Variants in ROBO2 observed in about 807,000 individuals in gnomAD.
ROBO2 encodes the protein roundabout homolog 2.
In ROBO2, 53 loss-of-function variants were observed where a neutral mutation model predicts 160.8. The ratio of observed to expected loss-of-function variants is 0.33; its 90% CI spans 0.26 to 0.41. The LOEUF is 0.41. Among genes scored for constraint, ROBO2 ranks in the 10% least tolerant of loss-of-function variants. The pLI is 1.00. For missense variants in ROBO2, 1,577 were observed against 1,722.4 expected (o/e 0.92, Z 1.49); for synonymous variants, 664 against 611.7 (o/e 1.09, Z -1.26).
rs560292594 is a variant in ROBO2 at position 76,549,464 on chromosome 3, C to G, written c.110-548550C>G. Among the ~76,000 whole-genome samples the G allele has an allele frequency of 2.0e-5, 3 of 152,240 alleles. No individual in the cohort carries two copies. In the South Asian group the frequency reaches 6.2e-4, roughly 32 times the overall value. ...CCCAGTGCAACGGCAGGGAGGAAAC[C>G]ATTAACTCTCCTCTGAGAAGGTTCT... On this transcript the variant is annotated intron_variant, in intron 2 of 26. Coordinates refer to the ROBO2 transcript ENST00000487694.
chr3:76,800,581 C>CAA (rs2064123278), intron 2 of ROBO2, among the ~76,000 whole-genome samples: 1 of 152,078 alleles, frequency 6.6e-6, no homozygotes, highest in Non-Finnish European at 1.5e-5. Context: ...AGACAGTTCT[C>CAA]AAAAGAAGAC....
intron 2 of ROBO2, among the ~76,000 whole-genome samples, chr3:77,233,201 G>C (rs760303722): frequency 8.5e-5 from 13 of 152,094 alleles, no homozygotes; most frequent in Non-Finnish European, 1.8e-4. Flanking sequence ...TAATATGTTT[G>C]AAAATTCAAA....
intron 2 of ROBO2, among the ~76,000 whole-genome samples, chr3:76,030,304 C>G (rs1040690369): frequency 6.7e-6 from 1 of 149,694 alleles, no homozygotes; most frequent in Admixed American, 6.6e-5. Flanking sequence ...AATTTTCTCC[C>G]GTTCTGTAGA....
At chr3:77,359,554 A>G (rs1202309545) in intron 2 of ROBO2, among the ~76,000 whole-genome samples, 1 of 152,162 alleles carries the variant, frequency 6.6e-6, no homozygotes, top group Non-Finnish European at 1.5e-5. Context: ...GCTGAAGAAC[A>G]CCATTACCTG....
At chr3:77,099,105 G>T (rs1306779477) in intron 2 of ROBO2, among the ~76,000 whole-genome samples, 1 of 119,550 alleles carries the variant, frequency 8.4e-6, no homozygotes, top group Non-Finnish European at 1.6e-5. Flanking sequence ...AGTGTCTCCC[G>T]CTGTCACATA....
At chr3:77,131,362 A>G (rs1206435444) in intron 2 of ROBO2, among the ~76,000 whole-genome samples, 2 of 152,182 alleles carry the variant, frequency 1.3e-5, no homozygotes, top group Non-Finnish European at 2.9e-5. Context: ...TTCTAATGGC[A>G]TTAGATGTTT....
intron 2 of ROBO2, among the ~76,000 whole-genome samples, chr3:76,919,773 C>G (rs1167000): frequency 0.26 from 39,069 of 152,038 alleles, 5,574 homozygotes; most frequent in African/African-American, 0.38. Flanking sequence ...TCTTGAATCA[C>G]TGATCAAAAC....
At chr3:76,005,833 A>C (rs2066006890) in intron 2 of ROBO2, among the ~76,000 whole-genome samples, 1 of 152,332 alleles carries the variant, frequency 6.6e-6, no homozygotes, top group African/African-American at 2.4e-5. Context: ...TAGTCATTCA[A>C]ATATGTAAGG....
At chr3:76,954,193 C>T (rs2079112630) in intron 2 of ROBO2, among the ~76,000 whole-genome samples, 2 of 152,102 alleles carry the variant, frequency 1.3e-5, no homozygotes, top group South Asian at 4.1e-4. Flanking sequence ...ACCCAGAGGC[C>T]TAAGCATAGG....
chr3:77,389,393 T>C (rs1487995563), intron 2 of ROBO2, among the ~76,000 whole-genome samples: 1 of 152,196 alleles, frequency 6.6e-6, no homozygotes, highest in Non-Finnish European at 1.5e-5. Flanking sequence ...TTTTAACTGT[T>C]CAGTAGCCCC....
intron 2 of ROBO2, among the ~76,000 whole-genome samples, chr3:75,998,211 A>G (rs1275188444): frequency 6.6e-6 from 1 of 152,098 alleles, no homozygotes; most frequent in Non-Finnish European, 1.5e-5. Context: ...GTTAGCTCTA[A>G]TCTCCCCTAT....
intron 2 of ROBO2, among the ~76,000 whole-genome samples, chr3:76,045,556 A>G (rs1230971039): frequency 6.6e-6 from 1 of 152,052 alleles, no homozygotes; most frequent in Non-Finnish European, 1.5e-5. Flanking sequence ...CTTGGGGACC[A>G]TTGTATTTTT....
Position 76,482,902 on chromosome 3 carries a change from T to C in ROBO2, c.109+545300T>C, listed in dbSNP as rs546734968. 1.8e-4 allele frequency among the ~76,000 whole-genome samples: 27 copies of C among 152,306 alleles called. No homozygotes were observed. In the South Asian group the frequency reaches 3.3e-3, roughly 19 times the overall value. ...AAAATTGGGTTAGCTGGCTTTTATA[T>C]GGGACTTATTACAAACTCAGTTACT... On this transcript the variant is annotated intron_variant, in intron 2 of 26. Transcript: ENST00000487694.
intron 19 of ROBO2, among the ~76,000 whole-genome samples, chr3:77,599,980 A>T (rs2094399688): frequency 6.6e-6 from 1 of 152,190 alleles, no homozygotes; most frequent in African/African-American, 2.4e-5. Flanking sequence ...GTACAAGTAT[A>T]ACCAAGGTGC....
intron 2 of ROBO2, among the ~76,000 whole-genome samples, chr3:76,453,728 G>C (rs1175420973): frequency 1.3e-5 from 2 of 152,044 alleles, no homozygotes; most frequent in African/African-American, 4.8e-5. Context: ...CATGCAATTA[G>C]GCACCTTTGT....
chr3:76,348,782 C>T (rs977686777), intron 2 of ROBO2, among the ~76,000 whole-genome samples: 10 of 151,994 alleles, frequency 6.6e-5, no homozygotes, highest in African/African-American at 9.7e-5. Flanking sequence ...CAGCCAAGGC[C>T]GTCTAACCAC....
At position 76,544,153 on chromosome 3, in the gene ROBO2, T is replaced by C. The variant is rs144653040; in HGVS notation, c.110-553861T>C. ...TCATCTTGTTGAGAAATATGCTCAG[T>C]TTCTTCATGTCCTAAAGAGTCAGTA... On this transcript the variant is annotated intron_variant, in intron 2 of 26. Coordinates refer to the ROBO2 transcript ENST00000487694. Among the ~76,000 whole-genome samples, 321 of 152,142 alleles carry C rather than the reference T, an allele frequency of 2.1e-3. 1 individual carries two copies. Among genetic ancestry groups the C allele is most frequent in the African/African-American group, 7.0e-3 (291 of 41,546 alleles).
intron 2 of ROBO2, among the ~76,000 whole-genome samples, chr3:76,722,488 A>T (rs542331889): frequency 6.6e-6 from 1 of 152,326 alleles, no homozygotes; most frequent in African/African-American, 2.4e-5. Context: ...ACCAGCTTAA[A>T]GTACACAATT....
At chr3:76,495,432 C>T (rs1008812243) in intron 2 of ROBO2, among the ~76,000 whole-genome samples, 4 of 151,858 alleles carry the variant, frequency 2.6e-5, no homozygotes, top group Admixed American at 6.6e-5. Context: ...AAGTGAAAAG[C>T]GATGAAAACT....
Sources: gnomAD v4.1 joint callset for allele counts (sites outside exome capture counted in the v4.1 genomes callset) on GRCh38, gnomAD v4.1.1 for gene constraint, MANE v1.5 for transcripts, NCBI Gene and HGNC (gene_info 2026-07-23, HGNC 2026-07-21) for gene names.